Variants in PSD3 observed in about 807,000 individuals in gnomAD.
PSD3 encodes PH and SEC7 domain-containing protein 3.
A neutral mutation model predicts 105.5 loss-of-function variants in PSD3; 49 were observed. The ratio of observed to expected loss-of-function variants is 0.46; its 90% confidence interval spans 0.37 to 0.59. PSD3 has a LOEUF of 0.59. Among genes scored for constraint, PSD3 ranks in the 20% least tolerant of loss-of-function variants. The pLI, the probability that PSD3 is intolerant of heterozygous loss-of-function variation, is 0.00. For missense variants in PSD3, 1,561 were observed against 1,263.8 expected (o/e 1.24, Z -3.57); for synonymous variants, 557 against 457.8 (o/e 1.22, Z -2.77).
intron 15 of PSD3, among the ~76,000 whole-genome samples, chr8:18,551,137 G>A (rs1198221718): frequency 1.3e-5 from 2 of 152,130 alleles, no homozygotes; most frequent in East Asian, 3.9e-4. Context: ...CCTCTGCACT[G>A]CTCCTGTGAA....
At chr8:18,810,966 C>G (rs1323486117) in intron 4 of PSD3, among the ~76,000 whole-genome samples, 1 of 152,164 alleles carries the variant, frequency 6.6e-6, no homozygotes, top group African/African-American at 2.4e-5. Context: ...TAAATTGCCT[C>G]TGAAAAGGGA....
At chr8:18,546,212 GTCTCGAACTCTTGAC>G (rs1255147949) in intron 15 of PSD3, among the ~76,000 whole-genome samples, 15 of 152,144 alleles carry the variant, frequency 9.9e-5, no homozygotes, top group Non-Finnish European at 2.1e-4. Context: ...CGCCATGCTG[GTCTCGAACTCTTGAC>G]CTGAGATGAC....
rs576578917 is a variant in PSD3, at chr8:18,588,536, CGAACAATAACCCAT to C, written c.2481+11814_2481+11827del. On this transcript the variant is annotated intron_variant, in intron 12 of 15. Coordinates refer to ENST00000327040, the MANE Select transcript of PSD3 (RefSeq NM_015310.4). ...TTATGATTTAACTGAAATAGCAACC[CGAACAATAACCCAT>C]GATTCTACTATTCACTCTTCATAAA... is the stretch of plus-strand genomic sequence containing the variant. Among the ~76,000 whole-genome samples the C allele has an allele frequency of 6.7e-4, 102 of 152,254 alleles. 1 individual carries two copies. In the South Asian group the frequency reaches 0.02, roughly 30 times the overall value.
At chr8:18,609,122 G>A (rs1805071489) in intron 11 of PSD3, among the ~76,000 whole-genome samples, 1 of 151,924 alleles carries the variant, frequency 6.6e-6, no homozygotes, top group Admixed American at 6.6e-5. Context: ...CTTCCTGTCT[G>A]TTGTCTTGAA....
chr8:18,672,564 G>A (rs752111080), intron 9 of PSD3, among the ~76,000 whole-genome samples: 1 of 152,198 alleles, frequency 6.6e-6, no homozygotes, highest in African/African-American at 2.4e-5. Context: ...AGAAATTTTA[G>A]GGAGCTAAAT....
chr8:18,673,342 G>C (rs1389477369), intron 9 of PSD3, among the ~76,000 whole-genome samples: 2 of 152,070 alleles, frequency 1.3e-5, no homozygotes, highest in Non-Finnish European at 2.9e-5. Context: ...CATTATTCAT[G>C]GGGCAGAACA....
chr8:18,817,817 G>A (rs957561406), intron 4 of PSD3, among the ~76,000 whole-genome samples: 3 of 152,224 alleles, frequency 2.0e-5, no homozygotes, highest in African/African-American at 7.2e-5. Flanking sequence ...CAAATGGGGA[G>A]CAACGTGAAA....
chr8:18,661,759 G>T (rs916313484), intron 9 of PSD3, among the ~76,000 whole-genome samples: 1 of 152,146 alleles, frequency 6.6e-6, no homozygotes, highest in East Asian at 1.9e-4. Context: ...ATAGCCTGAA[G>T]GCTTGACCAC....
In PSD3 at chr8:18,616,613, C is replaced by T. The variant is rs149293539; in HGVS notation, c.2410+16000G>A. On this transcript the variant is annotated intron_variant, in intron 11 of 15. Transcript: ENST00000327040. ...ACCTTTGCTAGCCAGGCCTCATCTT[C>T]CTCTCTTTTCTTTTCTTTTTTTTTT... Among the ~76,000 whole-genome samples, 627 of 108,258 alleles carry T rather than the reference C, an allele frequency of 5.8e-3. 4 individuals are homozygous for T. The highest frequency in any genetic ancestry group is 0.019 in the African/African-American group (566 of 30,112). The allele number at this position is 108,258 out of a possible 152,430, so 71.0% of individuals were successfully genotyped here. A position where few individuals can be genotyped will look rare whatever the true frequency, so the allele number is the denominator to read the frequency against.
At position 18,758,945 on chromosome 8, in the gene PSD3, A is replaced by T. The variant is rs1317193237; in HGVS notation, c.2172+6504T>A. Among the ~76,000 whole-genome samples, 4 of 152,154 alleles carry T rather than the reference A, an allele frequency of 2.6e-5. No individual in the cohort carries two copies. The East Asian group carries it at 5.8e-4, about 22-fold the overall frequency. On this transcript the variant is annotated intron_variant, in intron 9 of 15. Coordinates refer to ENST00000327040, the MANE Select transcript of PSD3 (RefSeq NM_015310.4). The stretch of plus-strand genomic sequence containing the variant: ...CAAATGTATTTGAATGACAACTTTC[A>T]TTAAAATTCTAACCAACAGACTATG...
rs759853530 is a variant in PSD3 at position 18,618,456 on chromosome 8, T to G, written c.2410+14157A>C. On this transcript the variant is annotated intron_variant, in intron 11 of 15. Coordinates refer to ENST00000327040, the MANE Select transcript of PSD3 (RefSeq NM_015310.4). The stretch of plus-strand genomic sequence containing the variant: ...TATTTTACAGACTTTGGCTTTTTTT[T>G]GTCAACAATATCATTTTTAAAAATG... Among the ~76,000 whole-genome samples, 23 of 151,522 alleles carry G rather than the reference T, an allele frequency of 1.5e-4. 1 individual carries two copies. The highest frequency in any genetic ancestry group is 3.0e-4 in the Non-Finnish European group (20 of 67,694).
At chr8:18,607,650 G>A (rs1482410529) in intron 11 of PSD3, among the ~76,000 whole-genome samples, 2 of 125,482 alleles carry the variant, frequency 1.6e-5, no homozygotes, top group African/African-American at 2.9e-5. Flanking sequence ...GCTCACGCCT[G>A]TAATCCCAGC....
intron 9 of PSD3, among the ~76,000 whole-genome samples, chr8:18,692,923 T>G (rs1034575122): frequency 1.3e-5 from 2 of 152,114 alleles, no homozygotes; most frequent in Non-Finnish European, 2.9e-5. Flanking sequence ...AAAGCTAAGC[T>G]CTGGGGCTGC....
chr8:18,776,381 T>C (rs926888261), intron 8 of PSD3, among the ~76,000 whole-genome samples: 1 of 141,808 alleles, frequency 7.1e-6, no homozygotes, highest in Non-Finnish European at 1.5e-5. Flanking sequence ...TGTATATATA[T>C]AATTTTTTTT....
intron 11 of PSD3, among the ~76,000 whole-genome samples, chr8:18,623,744 A>T (rs369448408): frequency 6.6e-6 from 1 of 152,110 alleles, no homozygotes; most frequent in Non-Finnish European, 1.5e-5. Flanking sequence ...TAAAAAATAT[A>T]TATTATCAAT....
At chr8:19,051,765 T>C (rs1421095385) in intron 1 of PSD3, among the ~76,000 whole-genome samples, 1 of 152,182 alleles carries the variant, frequency 6.6e-6, no homozygotes, top group Non-Finnish European at 1.5e-5. Flanking sequence ...TGGTTCATCA[T>C]TGTATCCACC....
Position 18,766,658 on chromosome 8 carries a change from A to G in PSD3, c.2083-1120T>C, listed in dbSNP as rs183410419. On this transcript the variant is annotated intron_variant, in intron 8 of 15. Coordinates refer to ENST00000327040, the MANE Select transcript of PSD3 (RefSeq NM_015310.4). ...TACACTACTTTCAAACTAACAAGTT[A>G]GCCTGTCACAAGCTAATAAAATGCT... is the stretch of plus-strand genomic sequence containing the variant. Among the ~76,000 whole-genome samples the G allele has an allele frequency of 3.7e-3, 558 of 152,356 alleles. 5 individuals carry two copies. Among genetic ancestry groups the G allele is most frequent in the African/African-American group, 0.013 (537 of 41,588 alleles).
chr8:18,931,096 G>T (rs1821720475), intron 2 of PSD3, among the ~76,000 whole-genome samples: 1 of 152,014 alleles, frequency 6.6e-6, no homozygotes, highest in South Asian at 2.1e-4. Flanking sequence ...CTTCTTTGGT[G>T]AAGTATCTGT....
intron 4 of PSD3, among the ~76,000 whole-genome samples, chr8:18,827,816 C>A (rs529543540): frequency 3.3e-5 from 5 of 151,146 alleles, no homozygotes; most frequent in Admixed American, 2.0e-4. Context: ...AGAGGGAGGA[C>A]TCAAGGTAGA....
Sources: gnomAD v4.1 joint callset for allele counts (sites outside exome capture counted in the v4.1 genomes callset) on GRCh38, gnomAD v4.1.1 for gene constraint, MANE v1.5 for transcripts, NCBI Gene and HGNC (gene_info 2026-07-23, HGNC 2026-07-21) for gene names.